Variants in ATF1 observed in about 807,000 individuals in gnomAD.
ATF1 encodes cyclic AMP-dependent transcription factor ATF-1.
ATF1 carries 16 observed loss-of-function variants against 34.7 expected under a neutral mutation model. That is an observed-to-expected ratio of 0.46 (90% CI 0.31 to 0.70). ATF1 has a LOEUF of 0.70. Among genes scored for constraint, ATF1 ranks in the 30% least tolerant of loss-of-function variants. The pLI, the probability that ATF1 is intolerant of heterozygous loss-of-function variation, is 0.05. For synonymous variants in ATF1, 105 were observed against 113.1 expected, an observed-to-expected ratio of 0.93 and a Z score of 0.46; for missense variants, 255 against 321.6, an observed-to-expected ratio of 0.79 and a Z score of 1.58.
chr12:50,767,455 G>A lies in ATF1; in HGVS notation c.-7+3148G>A, dbSNP rs183734958. Reference sequence around the variant, plus strand: ...TAATCACTTGAACCCGGGAGGCGGAGGTTGCAGTGAGCCGAGATCGTGCCA... The same window carrying A: ...TAATCACTTGAACCCGGGAGGCGGAAGTTGCAGTGAGCCGAGATCGTGCCA... On this transcript the variant is annotated intron_variant, in intron 1 of 6. Transcript: ENST00000262053. 2.5e-3 allele frequency among the ~76,000 whole-genome samples: 382 copies of A among 152,328 alleles called. 2 individuals carry two copies. The highest frequency in any genetic ancestry group is 3.5e-3 in the Non-Finnish European group (240 of 68,038).
upstream of ATF1, chr12:50,763,818 G>A (rs1940551065): frequency 6.6e-6 from 1 of 152,212 alleles, no homozygotes; most frequent in African/African-American, 2.4e-5. Context: ...TCCGGAAGCG[G>A]ACGTAGGGCG....
At chr12:50,767,240 T>G (rs1940659272) in intron 1 of ATF1, among the ~76,000 whole-genome samples, 1 of 151,126 alleles carries the variant, frequency 6.6e-6, no homozygotes, top group Admixed American at 6.6e-5. Flanking sequence ...AAAATCAGCC[T>G]GGCACGGTGG....
At chr12:50,766,804 C>T (rs949842664) in intron 1 of ATF1, among the ~76,000 whole-genome samples, 15 of 152,260 alleles carry the variant, frequency 9.9e-5, no homozygotes, top group African/African-American at 3.6e-4. Flanking sequence ...AGCTTCCCCA[C>T]CCTGCCACAG....
chr12:50,807,964 C>G (rs1327722998), intron 3 of ATF1, among the ~76,000 whole-genome samples: 1 of 152,058 alleles, frequency 6.6e-6, no homozygotes, highest in African/African-American at 2.4e-5. Context: ...CGTGAGCCAC[C>G]ATGCCCAGCT....
chr12:50,788,343 C>A, intron 2 of ATF1: 1 of 377,048 alleles, frequency 2.7e-6, no homozygotes, highest in African/African-American at 2.1e-5. Flanking sequence ...CCATCACATC[C>A]GGCTAAACTT....
chr12:50,773,748 C>T (rs971205796), intron 1 of ATF1, among the ~76,000 whole-genome samples: 2 of 152,046 alleles, frequency 1.3e-5, no homozygotes, highest in Non-Finnish European at 2.9e-5. Flanking sequence ...CACCACCACG[C>T]CTGGCTAATT....
At chr12:50,771,247 C>G (rs1940762720) in intron 1 of ATF1, among the ~76,000 whole-genome samples, 1 of 152,146 alleles carries the variant, frequency 6.6e-6, no homozygotes, top group South Asian at 2.1e-4. Context: ...CTCAGGTAAT[C>G]CACCTGCCTC....
chr12:50,778,823 C>T (rs566533758), intron 1 of ATF1, among the ~76,000 whole-genome samples: 2 of 152,230 alleles, frequency 1.3e-5, no homozygotes, highest in Admixed American at 6.5e-5. Flanking sequence ...TCAGGCAGTC[C>T]GCCCATATTG....
At position 50,809,550 on chromosome 12, in the gene ATF1, G is replaced by C; in HGVS notation, c.289G>C (p.Val97Leu). 6.2e-7 allele frequency: 1 copy of C among 1,613,784 alleles called. No individual in the cohort carries two copies. The highest frequency in any genetic ancestry group is 2.2e-5 in the East Asian group (1 of 44,874). Reference sequence around the variant, plus strand: ...TTCTGCTGCTGTCACTTCTATGTCTGTTCCAACTCCCATCTATCAGACTAG... The same window carrying C: ...TTCTGCTGCTGTCACTTCTATGTCTCTTCCAACTCCCATCTATCAGACTAG... ...GVSAAVTSMS[V>L]PTPIYQTSSG... is the part of the protein sequence containing the mutation. The change falls in exon 4 of 7, where the codon GTT becomes CTT. Residue 97 changes from valine to leucine, a missense_variant. This residue lies in a region of ATF1 where 221 missense variants were observed against 250.7 expected (regional missense o/e 0.88). Transcript: ENST00000262053.
At chr12:50,814,838 T>A (rs915442402) in intron 6 of ATF1, among the ~76,000 whole-genome samples, 1 of 142,394 alleles carries the variant, frequency 7.0e-6, no homozygotes, top group East Asian at 2.1e-4. Flanking sequence ...TTTTTTTTTT[T>A]AAAGTTAACT....
At chr12:50,805,114 T>C (rs1941588978) in intron 3 of ATF1, among the ~76,000 whole-genome samples, 1 of 152,028 alleles carries the variant, frequency 6.6e-6, no homozygotes, top group Non-Finnish European at 1.5e-5. Context: ...AATTGACATT[T>C]TTATAACACT....
intron 6 of ATF1, among the ~76,000 whole-genome samples, chr12:50,815,312 C>G (rs1941821306): frequency 7.2e-6 from 1 of 138,318 alleles, no homozygotes; most frequent in South Asian, 2.3e-4. Context: ...GGCTAGTTAG[C>G]CTAGGCTAAT....
intron 2 of ATF1, among the ~76,000 whole-genome samples, chr12:50,793,931 T>C (rs1358998977): frequency 1.3e-5 from 2 of 151,940 alleles, no homozygotes; most frequent in Non-Finnish European, 2.9e-5. Context: ...AAGGCCTGTT[T>C]GGGTTATTTT....
At chr12:50,815,866 A>G (rs953616600) in intron 6 of ATF1, among the ~76,000 whole-genome samples, 1 of 152,250 alleles carries the variant, frequency 6.6e-6, no homozygotes, top group Non-Finnish European at 1.5e-5. Flanking sequence ...AGAATCAACT[A>G]TGTGTCCATC....
At chr12:50,803,089 C>A (rs941606328) in intron 3 of ATF1, among the ~76,000 whole-genome samples, 1 of 150,314 alleles carries the variant, frequency 6.7e-6, no homozygotes, top group African/African-American at 2.5e-5. Context: ...GGTGAAACCC[C>A]GTCTCTACTA....
intron 1 of ATF1, chr12:50,775,603 T>G (rs1264333402): frequency 6.6e-6 from 1 of 152,282 alleles, no homozygotes; most frequent in African/African-American, 2.4e-5. Context: ...TGCTACATTG[T>G]CCAGGATGGA....
chr12:50,766,179 G>A (rs1241256246), intron 1 of ATF1, among the ~76,000 whole-genome samples: 1 of 152,146 alleles, frequency 6.6e-6, no homozygotes, highest in East Asian at 1.9e-4. Context: ...CGTATTTGTG[G>A]TGGCCACAGA....
chr12:50,808,657 CAGCCTGG>C (rs1020201707), intron 3 of ATF1, among the ~76,000 whole-genome samples: 14 of 151,964 alleles, frequency 9.2e-5, no homozygotes, highest in African/African-American at 3.4e-4. Flanking sequence ...AATATGTAAT[CAGCCTGG>C]AGCACATCAT....
In ATF1 at chr12:50,784,934, A is replaced by T. The variant is rs535922579; in HGVS notation, c.93+4696A>T. On this transcript the variant is annotated intron_variant, in intron 2 of 6. Coordinates refer to ENST00000262053, the MANE Select transcript of ATF1 (RefSeq NM_005171.5). ...TATTATACTTTAAGTTTTAGGGTAC[A>T]TGTGCACAATGTGCAGGTTAGTTAC... is the stretch of plus-strand genomic sequence containing the variant. Among the ~76,000 whole-genome samples, 69 of 151,598 alleles carry T rather than the reference A, an allele frequency of 4.6e-4. 2 individuals are homozygous for T. In the South Asian group the frequency reaches 0.014, roughly 30 times the overall value.
Sources: allele counts gnomAD v4.1 joint callset (sites outside exome capture counted in the v4.1 genomes callset), GRCh38; gene constraint gnomAD v4.1.1; regional missense constraint gnomAD v4.1.1; transcripts MANE v1.5; gene names NCBI Gene and HGNC (gene_info 2026-07-23, HGNC 2026-07-21).